Variants in KNTC1 observed in about 807,000 individuals in gnomAD.
KNTC1 encodes the protein kinetochore associated 1.
Under a neutral mutation model 314.4 loss-of-function variants are expected in KNTC1, and 253 were observed. The observed-to-expected ratio is 0.80, with a 90% CI of 0.73 to 0.89. KNTC1 has a LOEUF of 0.89. KNTC1 is among the 40% of genes least tolerant of loss of function. The pLI is 0.00. For missense variants in KNTC1, 2,475 were observed against 2,572.9 expected (o/e 0.96, Z 0.82); for synonymous variants, 901 against 901.4 (o/e 1.00, Z 0.01).
intron 1 of KNTC1, among the ~76,000 whole-genome samples, chr12:122,528,237 C>T (rs927535019): frequency 6.6e-6 from 1 of 151,126 alleles, no homozygotes; most frequent in Non-Finnish European, 1.5e-5. Context: ...CCAACCTGTC[C>T]CTCCTTCTTC....
chr12:122,624,168 A>G (rs1388282222), intron 62 of KNTC1, among the ~76,000 whole-genome samples: 2 of 152,222 alleles, frequency 1.3e-5, no homozygotes, highest in Admixed American at 6.5e-5. Context: ...TACCCAGTCT[A>G]TGTATATGCC....
At chr12:122,589,904 C>T (rs1869940617) in intron 40 of KNTC1, among the ~76,000 whole-genome samples, 1 of 151,360 alleles carries the variant, frequency 6.6e-6, no homozygotes, top group Non-Finnish European at 1.5e-5. Flanking sequence ...CTGCCTCAGC[C>T]TCCTGAGTAG....
In KNTC1 at chr12:122,565,287, A is replaced by G. The variant is rs577088184; in HGVS notation, c.1604+2588A>G. On this transcript the variant is annotated intron_variant, in intron 20 of 63. Coordinates refer to ENST00000333479, the MANE Select transcript of KNTC1 (RefSeq NM_014708.6). ...AAAACAGAGCTATTTCTGTGGTTTT[A>G]TTATTGTTGTGTTTTTAGAGACAGG... Among the ~76,000 whole-genome samples, 78 of 94,066 alleles carry G rather than the reference A, an allele frequency of 8.3e-4. No individual in the cohort carries two copies. The South Asian group carries it at 0.019, about 23-fold the overall frequency. The allele number at this position is 94,066 out of a possible 152,430, so 61.7% of individuals were successfully genotyped here. A position where few individuals can be genotyped will look rare whatever the true frequency, so the allele number is the denominator to read the frequency against.
In KNTC1 at chr12:122,558,265, G is replaced by C. The variant is rs903895612; in HGVS notation, c.1488+576G>C. On this transcript the variant is annotated intron_variant, in intron 18 of 63. Transcript: ENST00000333479. ...ACTGTGTCTCAAAAAATAAAATTAA[G>C]GCTATGTGCGGTGGCTTACTCCTGT... 2.7e-5 allele frequency among the ~76,000 whole-genome samples: 4 copies of C among 149,494 alleles called. No homozygotes were observed. In the East Asian group the frequency reaches 8.0e-4, roughly 30 times the overall value.
rs761841925 is a variant in KNTC1 at position 122,546,212 on chromosome 12, G to T, written c.706G>T (p.Asp236Tyr). The change falls in exon 9 of 64, where the codon GAT becomes TAT. Residue 236 changes from aspartate (D) to tyrosine (Y), a missense_variant. Asp to Tyr is a radical substitution (Grantham distance 160). Transcript: ENST00000333479. ...GNCAFSKWEP[D>Y]SSKKGMTVKN... is the part of the protein sequence containing the mutation. ...TTGTGCATTCTCAAAATGGGAACCA[G>T]ATTCTTCCAAGAAAGGAATGACAGT... 13 of 1,610,072 alleles carry T rather than the reference G, an allele frequency of 8.1e-6. No individual in the cohort carries two copies. Among genetic ancestry groups the T allele is most frequent in the Non-Finnish European group, 8.5e-6 (10 of 1,176,650 alleles).
intron 16 of KNTC1, among the ~76,000 whole-genome samples, chr12:122,555,818 C>T (rs1383387442): frequency 6.6e-6 from 1 of 152,066 alleles, no homozygotes; most frequent in African/African-American, 2.4e-5. Context: ...TACTGCACTC[C>T]AGCCTGGGCG....
intron 16 of KNTC1, among the ~76,000 whole-genome samples, chr12:122,552,463 CAA>C (rs1963269475): frequency 6.6e-6 from 1 of 152,166 alleles, no homozygotes; most frequent in Admixed American, 6.5e-5. Context: ...CTCCCAGGCT[CAA>C]GTGATCCTCC....
Position 122,613,140 on chromosome 12 carries a change from C to T in KNTC1, c.5651C>T (p.Ala1884Val), listed in dbSNP as rs1873365360. 1 of 1,612,732 alleles carries T rather than the reference C, an allele frequency of 6.2e-7. No homozygotes were observed. The highest frequency in any genetic ancestry group is 1.3e-5 in the African/African-American group (1 of 74,884). ...TTLGMHQLTFAHRTRALQCLF... is the reference protein window; with the variant it reads ...TTLGMHQLTFVHRTRALQCLF... The stretch of plus-strand genomic sequence containing the variant: ...TTAGGTATGCATCAGTTAACTTTTG[C>T]CCATAGAACTCGAGCTCTTCAGTGT... Residue 1884 changes from alanine to valine, a missense_variant, in exon 54 of 64, where the codon GCC (alanine) becomes GTC (valine). Coordinates refer to ENST00000333479, the MANE Select transcript of KNTC1 (RefSeq NM_014708.6).
chr12:122,543,611 G>T lies in KNTC1; in HGVS notation c.535G>T (p.Val179Leu). 6.4e-7 allele frequency: 1 copy of T among 1,562,122 alleles called. No individual in the cohort carries two copies. The highest frequency in any genetic ancestry group is 8.7e-7 in the Non-Finnish European group (1 of 1,150,828). ...LLKIQQAIEN[V>L]DFSTAKKLQG... is the part of the protein sequence containing the mutation. The stretch of plus-strand genomic sequence containing the variant: ...CTTTTTTAATGCAGCAATTGAGAAT[G>T]TAGACTTCAGTACAGCAAAAAAGGT... The change falls in exon 7 of 64, where the codon GTA becomes TTA. Residue 179 changes from valine (V) to leucine (L), a missense_variant. Transcript: ENST00000333479.
At chr12:122,561,323 A>AAAT (rs930736628) in intron 18 of KNTC1, among the ~76,000 whole-genome samples, 2 of 151,740 alleles carry the variant, frequency 1.3e-5, no homozygotes, top group East Asian at 1.9e-4. Context: ...TCAAAAAAAA[A>AAAT]AATAATAATA....
intron 18 of KNTC1, 22 bp downstream of exon 18, chr12:122,557,711 T>C: frequency 6.4e-7 from 1 of 1,573,926 alleles, no homozygotes; most frequent in Non-Finnish European, 8.7e-7. Context: ...TTTTTGTATT[T>C]TGTTTTTTTG....
In KNTC1 at chr12:122,594,336, C is replaced by T; in HGVS notation, c.4306C>T (p.Leu1436Phe). 6.2e-7 allele frequency: 1 copy of T among 1,610,556 alleles called. No individual in the cohort carries two copies. Among genetic ancestry groups the T allele is most frequent in the Non-Finnish European group, 8.5e-7 (1 of 1,177,104 alleles). The change falls in exon 43 of 64, where the codon CTT becomes TTT. Residue 1436 changes from leucine to phenylalanine, a missense_variant. Physicochemically the swap from Leu to Phe is conservative, Grantham distance 22. Coordinates refer to ENST00000333479, the MANE Select transcript of KNTC1 (RefSeq NM_014708.6). The stretch of plus-strand genomic sequence containing the variant: ...CACCAAGAAAGACCTCATTAAAGCT[C>T]TTGTGGAGAATATAGATATGGACAC... Reference protein sequence around the residue: ...FLTKKDLIKALVENIDMDTSL... With the variant: ...FLTKKDLIKAFVENIDMDTSL...
chr12:122,529,285 T>TTG (rs1555220091), intron 1 of KNTC1, among the ~76,000 whole-genome samples: 1 of 152,204 alleles, frequency 6.6e-6, no homozygotes, highest in Non-Finnish European at 1.5e-5. Flanking sequence ...TTTATAGATA[T>TTG]TGAAACATAC....
chr12:122,562,013 T>A (rs958740536), intron 19 of KNTC1, 39 bp downstream of exon 19: 4 of 1,554,582 alleles, frequency 2.6e-6, no homozygotes, highest in Non-Finnish European at 3.5e-6. Context: ...TGTGGGTGAA[T>A]ATACCTTTAT....
At chr12:122,593,743 T>G (rs143027424) in intron 42 of KNTC1, 27 of 154,184 alleles carry the variant, frequency 1.8e-4, no homozygotes, top group African/African-American at 6.0e-4. Context: ...TAGCTGGGAC[T>G]ACAGGCATGC....
intron 62 of KNTC1, 80 bp downstream of exon 62, chr12:122,622,687 G>A (rs1331173290): frequency 1.7e-5 from 20 of 1,184,018 alleles, no homozygotes; most frequent in South Asian, 1.5e-4. Flanking sequence ...GATGGCTCAC[G>A]ACTGTAATCC....
chr12:122,585,178 G>T (rs943913122), intron 36 of KNTC1, among the ~76,000 whole-genome samples, 188 bp downstream of exon 36: 6 of 151,880 alleles, frequency 4.0e-5, no homozygotes, highest in African/African-American at 1.5e-4. Flanking sequence ...GGGACTATAA[G>T]TGTGTGCCAC....
Position 122,574,311 on chromosome 12 carries a change from C to T in KNTC1, c.2313C>T (p.Ser771=). 1 of 1,609,518 alleles carries T rather than the reference C, an allele frequency of 6.2e-7. No individual in the cohort carries two copies. The highest frequency in any genetic ancestry group is 1.1e-5 in the South Asian group (1 of 90,744). ...EDLLNRCSSK[S]TSLFETAWEA... is the part of the protein sequence containing the mutation. Reference sequence around the variant, plus strand: ...TACTGAATAGATGCAGCTCAAAGTCCACATCACTCTTTGAAACAGCATGGG... The same window carrying T: ...TACTGAATAGATGCAGCTCAAAGTCTACATCACTCTTTGAAACAGCATGGG... Residue 771 remains serine (S), a synonymous_variant, in exon 27 of 64, where the codon TCC becomes TCT. Transcript: ENST00000333479.
At position 122,606,481 on chromosome 12, in the gene KNTC1, G is replaced by A. The variant is rs12578222; in HGVS notation, c.5496+1066G>A. Among the ~76,000 whole-genome samples, 179 of 152,186 alleles carry A rather than the reference G, an allele frequency of 1.2e-3. 3 individuals carry two copies. In the East Asian group the frequency reaches 0.031, roughly 26 times the overall value. On this transcript the variant is annotated intron_variant, in intron 51 of 63. Coordinates refer to ENST00000333479, the MANE Select transcript of KNTC1 (RefSeq NM_014708.6). The stretch of plus-strand genomic sequence containing the variant: ...GATCCGCCCGCCTTGGCCTCCCAAA[G>A]TGTTGGGATTACAGACATGAGCCAC...
Sources: allele counts gnomAD v4.1 joint callset (sites outside exome capture counted in the v4.1 genomes callset), GRCh38; gene constraint gnomAD v4.1.1; transcripts MANE v1.5; gene names NCBI Gene and HGNC (gene_info 2026-07-23, HGNC 2026-07-21).